The following PFKL variants were observed in gnomAD, a reference collection of about 807,000 sequenced individuals.
PFKL encodes phosphofructokinase, liver type.
In PFKL, 74 loss-of-function variants were observed where a neutral mutation model predicts 92.1. The ratio of observed to expected loss-of-function variants is 0.80; its 90% CI spans 0.67 to 0.97. The LOEUF (loss-of-function observed/expected upper bound fraction) is 0.97, where lower values mean the gene tolerates loss of function less well. PFKL is among the 50% of genes least tolerant of loss of function. PFKL has a pLI of 0.00. For missense variants in PFKL, 1,028 were observed against 1,116.6 expected (o/e 0.92, Z 1.13); for synonymous variants, 494 against 456.4 (o/e 1.08, Z -1.05).
Position 44,323,823 on chromosome 21 carries a change from A to G in PFKL, c.1555A>G (p.Ile519Val), listed in dbSNP as rs546738863. The change falls in exon 16 of 22, where the codon ATC (isoleucine) becomes GTC (valine). Residue 519 changes from isoleucine (I) to valine (V), a missense_variant. Ile to Val is a conservative substitution (Grantham distance 29). Coordinates refer to ENST00000349048, the MANE Select transcript of PFKL (RefSeq NM_002626.6). ...EARGRYEELCIVMCVIPATIS... is the reference protein window; with the variant it reads ...EARGRYEELCVVMCVIPATIS... The stretch of plus-strand genomic sequence containing the variant: ...TCGCGGGCGCTACGAGGAGCTCTGC[A>G]TCGTCATGTGTGTCATCCCAGCCAC... 9.9e-6 allele frequency: 16 copies of G among 1,613,242 alleles called. No individual in the cohort carries two copies. The East Asian group carries it at 1.6e-4, about 16-fold the overall frequency.
chr21:44,326,129 T>C (rs749166215), intron 20 of PFKL, 30 bp from the exon 21 acceptor site: 5 of 1,608,106 alleles, frequency 3.1e-6, no homozygotes, highest in Admixed American at 3.4e-5. Context: ...GGCCTCACCA[T>C]GGAGGGCTGC....
At chr21:44,313,796 G>T in intron 6 of PFKL, 114 bp downstream of exon 6, 1 of 1,336,110 alleles carries the variant, frequency 7.5e-7, no homozygotes, top group East Asian at 2.5e-5. Context: ...TGAGAGAGCC[G>T]GGTGGGGGCC....
intron 2 of PFKL, 40 bp from the exon 3 acceptor site, chr21:44,310,966 G>T (rs2146449442): frequency 6.6e-7 from 1 of 1,521,574 alleles, no homozygotes; most frequent in Non-Finnish European, 9.1e-7. Context: ...CGGCCGCCAT[G>T]GGGTCCCCTA....
At chr21:44,305,764 C>T in intron 1 of PFKL, 2 of 1,364,154 alleles carry the variant, frequency 1.5e-6, no homozygotes, top group Non-Finnish European at 9.8e-7. Flanking sequence ...CCAGCGTTTC[C>T]TGAGTGCCGC....
At chr21:44,313,780 T>C (rs2047122926) in intron 6 of PFKL, 98 bp downstream of exon 6, 4 of 1,384,296 alleles carry the variant, frequency 2.9e-6, no homozygotes, top group Non-Finnish European at 3.0e-6. Context: ...GTTAATGCCA[T>C]GGGTGTGAGA....
At chr21:44,302,812 A>G (rs1286196739) in intron 1 of PFKL, among the ~76,000 whole-genome samples, 1 of 152,218 alleles carries the variant, frequency 6.6e-6, no homozygotes, top group Non-Finnish European at 1.5e-5. Flanking sequence ...CAGCCAGCCC[A>G]CAAGTCCTGT....
chr21:44,305,135 G>T, intron 1 of PFKL: 1 of 811,094 alleles, frequency 1.2e-6, no homozygotes, highest in Non-Finnish European at 1.7e-6. Flanking sequence ...GCCACCTGCT[G>T]GGCTCTGGAA....
chr21:44,319,212 A>G (rs2047292759), intron 10 of PFKL, 139 bp from the exon 11 acceptor site: 2 of 703,588 alleles, frequency 2.8e-6, no homozygotes, highest in Admixed American at 4.3e-5. Flanking sequence ...CGCTGTTCCT[A>G]GGGAGAGGCT....
chr21:44,305,889 A>G, intron 1 of PFKL: 1 of 1,365,334 alleles, frequency 7.3e-7, no homozygotes, highest in Non-Finnish European at 9.8e-7. Context: ...GGAAAGAGGA[A>G]GTGACCTCAG....
At chr21:44,305,362 G>T (rs149717397) in intron 1 of PFKL, 96 of 1,365,932 alleles carry the variant, frequency 7.0e-5, no homozygotes, top group Non-Finnish European at 8.8e-5. Context: ...GAGTCCTCTC[G>T]TGGGGGTCTC....
intron 12 of PFKL, 67 bp downstream of exon 12, chr21:44,320,214 G>C: frequency 1.4e-6 from 2 of 1,433,360 alleles, no homozygotes; most frequent in South Asian, 2.3e-5. Context: ...TCTTCACGCT[G>C]GCCCCGTGGC....
At chr21:44,306,110 C>G (rs1024989698) in intron 1 of PFKL, among the ~76,000 whole-genome samples, 6 of 152,278 alleles carry the variant, frequency 3.9e-5, no homozygotes, top group African/African-American at 1.4e-4. Flanking sequence ...CCCCACGCCG[C>G]AGCCTGAATG....
At chr21:44,301,359 A>G (rs2040769812) in intron 1 of PFKL, among the ~76,000 whole-genome samples, 1 of 152,204 alleles carries the variant, frequency 6.6e-6, no homozygotes, top group Non-Finnish European at 1.5e-5. Flanking sequence ...GGCTACTGGC[A>G]GTGTCCTGGA....
chr21:44,321,652 G>T, intron 12 of PFKL, 77 bp from the exon 13 acceptor site: 4 of 1,417,518 alleles, frequency 2.8e-6, no homozygotes, highest in Non-Finnish European at 3.7e-6. Flanking sequence ...AGAACCTGCC[G>T]GCCTGCTGAC....
chr21:44,311,167 C>A, intron 3 of PFKL, 84 bp downstream of exon 3: 1 of 1,036,796 alleles, frequency 9.6e-7, no homozygotes, highest in Non-Finnish European at 1.4e-6. Flanking sequence ...CAGACACACA[C>A]ACAGAGACAG....
chr21:44,325,099 C>T lies in PFKL; in HGVS notation c.1878-54C>T, dbSNP rs928303. On this transcript the variant is annotated intron_variant, in intron 18 of 21. Coordinates refer to ENST00000349048, the MANE Select transcript of PFKL (RefSeq NM_002626.6). Reference sequence around the variant, plus strand: ...GCCTGGCCCAGCGGGGACTCAGGATCGGGGGGAGACCTGAACTCGTTCCCG... The same window carrying T: ...GCCTGGCCCAGCGGGGACTCAGGATTGGGGGGAGACCTGAACTCGTTCCCG... 2.7e-5 allele frequency: 36 copies of T among 1,334,898 alleles called. No homozygotes were observed. The African/African-American group carries it at 3.0e-4, about 11-fold the overall frequency. 82.7% of individuals were successfully genotyped at this position (1,334,898 alleles called of 1,614,324 possible). A position where few individuals can be genotyped will look rare whatever the true frequency, so the allele number is the denominator to read the frequency against.
intron 15 of PFKL, 38 bp downstream of exon 15, chr21:44,323,087 A>T (rs2047400838): frequency 1.3e-5 from 19 of 1,517,148 alleles, no homozygotes; most frequent in Non-Finnish European, 1.7e-5. Flanking sequence ...CCCAGGGCAC[A>T]GGAGACCCAA....
At chr21:44,321,999 A>C in intron 13 of PFKL, 124 bp downstream of exon 13, 1 of 1,438,596 alleles carries the variant, frequency 7.0e-7, no homozygotes, top group Non-Finnish European at 9.4e-7. Context: ...GTCGGTGCCC[A>C]CCCGGGCCTG....
Position 44,324,559 on chromosome 21 carries a change from G to C in PFKL, c.1719G>C (p.Gly573=), listed in dbSNP as rs1350635058. The C allele has an allele frequency of 1.2e-6, 2 of 1,613,472 alleles. No individual in the cohort carries two copies. The highest frequency in any genetic ancestry group is 3.3e-5 in the Admixed American group (2 of 59,986). The stretch of plus-strand genomic sequence containing the variant: ...GTGTGTTCATCGTGGAGACCATGGG[G>C]GGTTACTGTGGCTACCTGGCCACCG... ...KRRVFIVETM[G]GYCGYLATVT... is the part of the protein sequence containing the mutation. Residue 573 remains glycine (G), a synonymous_variant, in exon 17 of 22, where the codon GGG becomes GGC. Transcript: ENST00000349048.
Sources: allele counts gnomAD v4.1 joint callset (sites outside exome capture counted in the v4.1 genomes callset), GRCh38; gene constraint gnomAD v4.1.1; transcripts MANE v1.5; gene names NCBI Gene and HGNC (gene_info 2026-07-23, HGNC 2026-07-21).